The following SGK1 variants were observed in gnomAD, a reference collection of about 807,000 sequenced individuals.
SGK1 encodes serum/glucocorticoid regulated kinase 1.
A neutral mutation model predicts 64.2 loss-of-function variants in SGK1; 26 were observed. The observed-to-expected ratio is 0.40, with a 90% CI of 0.30 to 0.56. The LOEUF is 0.56. SGK1 is among the 20% of genes least tolerant of loss of function. The probability of loss-of-function intolerance (pLI) is 0.38; values close to 1 mark genes in which losing one functional copy is unlikely to be tolerated. For synonymous variants in SGK1, 265 were observed against 239.7 expected (o/e 1.11, Z -0.98); for missense variants, 519 against 645.6 (o/e 0.80, Z 2.12).
chr6:134,207,237 AAAACAAAAAACAAAC>A (rs1775807800), intron 3 of SGK1, 104 bp downstream of exon 3: 1 of 706,258 alleles, frequency 1.4e-6, no homozygotes, highest in Non-Finnish European at 2.4e-6. Flanking sequence ...AGAAAAACAA[AAAACAAAAAACAAAC>A]AAACAAAAAA....
chr6:134,181,856 TTTTTGTTTTG>T (rs546281710), intron 3 of SGK1, among the ~76,000 whole-genome samples: 1 of 152,008 alleles, frequency 6.6e-6, no homozygotes, highest in South Asian at 2.1e-4. Context: ...CTGTGAGTTT[TTTTTGTTTTG>T]TTTTGTTTTG....
chr6:134,206,955 G>A (rs955194664), intron 3 of SGK1, among the ~76,000 whole-genome samples: 6 of 152,078 alleles, frequency 3.9e-5, no homozygotes, highest in Non-Finnish European at 8.8e-5. Flanking sequence ...GCCGGGCGCG[G>A]TGGCTCACGC....
At chr6:134,205,934 C>T (rs1258313006) in intron 3 of SGK1, among the ~76,000 whole-genome samples, 1 of 152,106 alleles carries the variant, frequency 6.6e-6, no homozygotes, top group Non-Finnish European at 1.5e-5. Context: ...TTTCTAGTGT[C>T]TACTTTGTGC....
In SGK1 at chr6:134,169,970, G is replaced by A. The variant is rs554671835; in HGVS notation, c.*298C>T. On this transcript the variant is annotated 3_prime_UTR_variant, in exon 14 of 14. Coordinates refer to ENST00000367858, the MANE Select transcript of SGK1 (RefSeq NM_001143676.3). ...ACAGATCTGCAGGAGACCTTTTTTA[G>A]AACAGCGTCCGCTTTCTAACGAAAC... 2.6e-4 allele frequency: 54 copies of A among 208,190 alleles called. No homozygotes were observed. The highest frequency in any genetic ancestry group is 4.4e-4 in the Non-Finnish European group (45 of 103,330). The allele number at this position is 208,190 out of a possible 1,614,324, so 12.9% of individuals were successfully genotyped here. A position where few individuals can be genotyped will look rare whatever the true frequency, so the allele number is the denominator to read the frequency against.
chr6:134,269,293 T>C (rs912291245), intron 1 of SGK1, among the ~76,000 whole-genome samples: 6 of 146,872 alleles, frequency 4.1e-5, no homozygotes, highest in Non-Finnish European at 6.0e-5. Context: ...TTTTTTTAAT[T>C]ATAGAGAACT....
At chr6:134,274,901 G>A (rs1158726055) in intron 1 of SGK1, among the ~76,000 whole-genome samples, 2 of 152,030 alleles carry the variant, frequency 1.3e-5, no homozygotes, top group African/African-American at 2.4e-5. Flanking sequence ...TGCCTTCCAG[G>A]TTCAAGTGAA....
intron 3 of SGK1, among the ~76,000 whole-genome samples, chr6:134,198,261 C>T (rs1408204268): frequency 6.6e-6 from 1 of 152,188 alleles, no homozygotes; most frequent in Non-Finnish European, 1.5e-5. Context: ...ACAGGATTTT[C>T]ATGTGTCCAC....
At chr6:134,172,960 C>T in intron 8 of SGK1, 63 bp downstream of exon 8, 3 of 1,549,520 alleles carry the variant, frequency 1.9e-6, no homozygotes, top group Non-Finnish European at 1.7e-6. Flanking sequence ...ACTTTTTTCT[C>T]AAACTAAAAC....
At chr6:134,203,439 G>A (rs1775719057) in intron 3 of SGK1, among the ~76,000 whole-genome samples, 1 of 151,966 alleles carries the variant, frequency 6.6e-6, no homozygotes, top group Non-Finnish European at 1.5e-5. Context: ...AAAACAAATA[G>A]CAAAACAGTA....
intron 1 of SGK1, among the ~76,000 whole-genome samples, chr6:134,262,479 C>T (rs1335807646): frequency 6.7e-6 from 1 of 148,464 alleles, no homozygotes; most frequent in African/African-American, 2.5e-5. Context: ...CACTCTGTTG[C>T]CCAGGCTGGT....
chr6:134,174,333 CAAA>C (rs1775138297), intron 4 of SGK1, 175 bp downstream of exon 4: 1 of 618,144 alleles, frequency 1.6e-6, no homozygotes, highest in South Asian at 2.0e-5. Context: ...CAGTTCAAGC[CAAA>C]TCAGCAAATT....
intron 1 of SGK1, among the ~76,000 whole-genome samples, chr6:134,282,287 A>G (rs963536166): frequency 6.6e-6 from 1 of 152,158 alleles, no homozygotes; most frequent in African/African-American, 2.4e-5. Flanking sequence ...GGAACGCTCT[A>G]AGAGCAGATA....
At chr6:134,177,647 T>G in intron 3 of SGK1, 1 of 1,610,834 alleles carries the variant, frequency 6.2e-7, no homozygotes. Flanking sequence ...CAAAATATAG[T>G]ACGGTAAGTA....
chr6:134,213,205 C>A (rs1316073566), intron 2 of SGK1, among the ~76,000 whole-genome samples: 1 of 152,024 alleles, frequency 6.6e-6, no homozygotes, highest in Admixed American at 6.6e-5. Context: ...AGGTACTTTG[C>A]AGAAGCGAGA....
At chr6:134,182,088 G>A (rs13193815) in intron 3 of SGK1, among the ~76,000 whole-genome samples, 1 of 151,114 alleles carries the variant, frequency 6.6e-6, no homozygotes. Flanking sequence ...AAACTCCTGA[G>A]CTCAAGTGAT....
intron 1 of SGK1, among the ~76,000 whole-genome samples, chr6:134,306,609 C>T (rs1455226887): frequency 6.6e-6 from 1 of 151,838 alleles, no homozygotes; most frequent in Admixed American, 6.6e-5. Flanking sequence ...CTGCAACCTC[C>T]ACCTTCTGGG....
intron 3 of SGK1, among the ~76,000 whole-genome samples, chr6:134,183,239 G>A (rs924246909): frequency 6.6e-6 from 1 of 152,156 alleles, no homozygotes; most frequent in South Asian, 2.1e-4. Context: ...TATACAATGT[G>A]TAATGATGAA....
At chr6:134,270,764 G>A (rs370897922) in intron 1 of SGK1, among the ~76,000 whole-genome samples, 1 of 147,980 alleles carries the variant, frequency 6.8e-6, no homozygotes, top group South Asian at 2.2e-4. Context: ...GACGCAATGC[G>A]TCCATGTACC....
chr6:134,277,035 T>A (rs1777028164), intron 1 of SGK1, among the ~76,000 whole-genome samples: 1 of 150,292 alleles, frequency 6.7e-6, no homozygotes, highest in African/African-American at 2.5e-5. Flanking sequence ...GGCAAGAGAC[T>A]CTTGTCTCAA....
Sources: gnomAD v4.1 joint callset for allele counts (sites outside exome capture counted in the v4.1 genomes callset) on GRCh38, gnomAD v4.1.1 for gene constraint, MANE v1.5 for transcripts, NCBI Gene and HGNC (gene_info 2026-07-23, HGNC 2026-07-21) for gene names.